ABHD17C: variants seen among roughly 807,000 people sequenced by gnomAD.
The protein encoded by ABHD17C is abhydrolase domain containing 17C, depalmitoylase, also known as alpha/beta hydrolase domain-containing protein 17C.
ABHD17C carries 11 observed loss-of-function variants against 27.9 expected under a neutral mutation model. The ratio of observed to expected loss-of-function variants is 0.39; its 90% CI spans 0.25 to 0.65. The LOEUF (loss-of-function observed/expected upper bound fraction) is 0.65. Ranked by LOEUF, ABHD17C falls within the 30% of genes least tolerant of loss-of-function variation. ABHD17C has a pLI of 0.45. For synonymous variants in ABHD17C, 233 were observed against 209.1 expected (o/e 1.11, Z -0.98); for missense variants, 280 against 470.2 (o/e 0.60, Z 3.74).
chr15:80,725,255 C>T (rs1431403060), intron 1 of ABHD17C, among the ~76,000 whole-genome samples: 1 of 152,154 alleles, frequency 6.6e-6, no homozygotes, highest in Non-Finnish European at 1.5e-5. Context: ...GTTTCTCCAC[C>T]GTTTCTGAGT....
rs1265780803 is a variant in ABHD17C at position 80,737,426 on chromosome 15, A to G, written c.591-12087A>G. Among the ~76,000 whole-genome samples, 3 of 152,196 alleles carry G rather than the reference A, an allele frequency of 2.0e-5. No individual in the cohort carries two copies. In the East Asian group the frequency reaches 5.8e-4, roughly 29 times the overall value. ...CACTGGAATGATGACTGTGTCTGAA[A>G]TTTAATTTTAATTTGTTCAAAAACA... On this transcript the variant is annotated intron_variant, in intron 1 of 2. Coordinates refer to ENST00000258884, the MANE Select transcript of ABHD17C (RefSeq NM_021214.2).
intron 1 of ABHD17C, among the ~76,000 whole-genome samples, chr15:80,715,676 T>G (rs1432682160): frequency 6.6e-6 from 1 of 152,214 alleles, no homozygotes; most frequent in African/African-American, 2.4e-5. Context: ...TTCAAAGCGC[T>G]TTCACGTACA....
intron 1 of ABHD17C, among the ~76,000 whole-genome samples, chr15:80,714,653 TTTA>T (rs1894779084): frequency 6.6e-6 from 1 of 152,194 alleles, no homozygotes; most frequent in African/African-American, 2.4e-5. Flanking sequence ...TGGCTTAATA[TTTA>T]TTATTTTTCA....
chr15:80,720,157 T>A (rs12440043), intron 1 of ABHD17C, among the ~76,000 whole-genome samples: 21,977 of 152,124 alleles, frequency 0.14, 1,643 homozygotes, highest in East Asian at 0.21. Context: ...TGCTCAGATG[T>A]TTCTGTCTTC....
At chr15:80,740,398 G>A (rs534695074) in intron 1 of ABHD17C, among the ~76,000 whole-genome samples, 6 of 152,206 alleles carry the variant, frequency 3.9e-5, no homozygotes, top group South Asian at 2.1e-4. Flanking sequence ...GGATGGGCCC[G>A]TGGTTTCAGT....
At chr15:80,711,711 G>C (rs1448819465) in intron 1 of ABHD17C, among the ~76,000 whole-genome samples, 1 of 152,174 alleles carries the variant, frequency 6.6e-6, no homozygotes, top group Admixed American at 6.5e-5. Flanking sequence ...TCTCTGAACT[G>C]AAAATGGGAC....
intron 1 of ABHD17C, among the ~76,000 whole-genome samples, chr15:80,725,809 GTTTTTTGTTTGT>G (rs1567034955): frequency 9.7e-6 from 1 of 102,818 alleles, no homozygotes; most frequent in Non-Finnish European, 2.3e-5. Context: ...TGCACCAGCA[GTTTTTTGTTTGT>G]TTGTTTGTTT....
At chr15:80,753,109 A>G (rs7177091) in intron 2 of ABHD17C, among the ~76,000 whole-genome samples, 17,026 of 152,182 alleles carry the variant, frequency 0.11, 1,211 homozygotes, top group East Asian at 0.29. Context: ...AGTGGCAGCA[A>G]ATTAAGTGTC....
At chr15:80,725,312 G>T (rs564217958) in intron 1 of ABHD17C, among the ~76,000 whole-genome samples, 1 of 152,336 alleles carries the variant, frequency 6.6e-6, no homozygotes, top group East Asian at 1.9e-4. Flanking sequence ...TCCTTCCTCA[G>T]GCATTCTCAG....
chr15:80,710,752 T>C (rs1211569259), intron 1 of ABHD17C, among the ~76,000 whole-genome samples: 1 of 152,190 alleles, frequency 6.6e-6, no homozygotes, highest in Non-Finnish European at 1.5e-5. Context: ...AGCTTTTTTC[T>C]TTTTGTGGAG....
At chr15:80,730,841 G>T (rs1192839037) in intron 1 of ABHD17C, among the ~76,000 whole-genome samples, 1 of 152,194 alleles carries the variant, frequency 6.6e-6, no homozygotes, top group Non-Finnish European at 1.5e-5. Context: ...ATGGTGAAAT[G>T]CATAGGATGG....
chr15:80,702,139 C>T (rs913402357), intron 1 of ABHD17C, among the ~76,000 whole-genome samples: 1 of 152,170 alleles, frequency 6.6e-6, no homozygotes, highest in East Asian at 1.9e-4. Flanking sequence ...GTGTTCTCTT[C>T]CGAGCACAGT....
At chr15:80,719,711 G>A (rs1159938299) in intron 1 of ABHD17C, among the ~76,000 whole-genome samples, 1 of 151,950 alleles carries the variant, frequency 6.6e-6, no homozygotes, top group African/African-American at 2.4e-5. Context: ...TCCAATCATG[G>A]CTTAAAAACT....
At chr15:80,718,379 C>T (rs1033845048) in intron 1 of ABHD17C, among the ~76,000 whole-genome samples, 2 of 152,040 alleles carry the variant, frequency 1.3e-5, no homozygotes, top group African/African-American at 4.8e-5. Context: ...GTTGCCCAGG[C>T]TGGAGCACAG....
At chr15:80,718,777 C>G (rs554462517) in intron 1 of ABHD17C, among the ~76,000 whole-genome samples, 3 of 152,312 alleles carry the variant, frequency 2.0e-5, no homozygotes, top group African/African-American at 7.2e-5. Context: ...ACTGCAGCAT[C>G]ATTCCAATAG....
At chr15:80,733,676 C>G (rs538544299) in intron 1 of ABHD17C, among the ~76,000 whole-genome samples, 120 of 152,316 alleles carry the variant, frequency 7.9e-4, no homozygotes, top group Non-Finnish European at 1.6e-3. Context: ...ATTGCTGTCT[C>G]AGATTCACAG....
chr15:80,697,893 C>G (rs1894515642), intron 1 of ABHD17C, among the ~76,000 whole-genome samples: 1 of 152,150 alleles, frequency 6.6e-6, no homozygotes, highest in Non-Finnish European at 1.5e-5. Context: ...ATCCTCATGT[C>G]TTGTGCTTTT....
At chr15:80,702,289 A>G (rs987720406) in intron 1 of ABHD17C, among the ~76,000 whole-genome samples, 10 of 152,098 alleles carry the variant, frequency 6.6e-5, no homozygotes, top group African/African-American at 1.9e-4. Context: ...GCTTGAGCCC[A>G]GGAGTCTCAG....
intron 1 of ABHD17C, among the ~76,000 whole-genome samples, chr15:80,725,931 G>C (rs1894967696): frequency 6.6e-6 from 1 of 152,204 alleles, no homozygotes; most frequent in African/African-American, 2.4e-5. Flanking sequence ...TACACACACA[G>C]AAATATAGAG....
Sources: allele counts gnomAD v4.1 joint callset (sites outside exome capture counted in the v4.1 genomes callset), GRCh38; gene constraint gnomAD v4.1.1; transcripts MANE v1.5; gene names NCBI Gene and HGNC (gene_info 2026-07-23, HGNC 2026-07-21).